Variants in NPAS2 observed in about 807,000 individuals in gnomAD.
NPAS2 encodes neuronal PAS domain-containing protein 2.
In NPAS2, 23 loss-of-function variants were observed where a neutral mutation model predicts 107.5. The observed-to-expected ratio is 0.21, with a 90% confidence interval of 0.15 to 0.30. NPAS2 has a LOEUF of 0.30. NPAS2 is among the 10% of genes least tolerant of loss of function. The pLI, the probability that NPAS2 is intolerant of heterozygous loss-of-function variation, is 1.00. For synonymous variants in NPAS2, 403 were observed against 417.5 expected (o/e 0.97, Z 0.42); for missense variants, 756 against 1,043.3 (o/e 0.72, Z 3.79).
intron 16 of NPAS2, chr2:100,985,174 G>T: frequency 6.6e-6 from 1 of 151,316 alleles, no homozygotes; most frequent in Non-Finnish European, 1.5e-5. Context: ...CCTTCCATCC[G>T]TCCTTCCTTC....
chr2:100,971,765 C>T (rs545289234), intron 12 of NPAS2, among the ~76,000 whole-genome samples: 3 of 152,038 alleles, frequency 2.0e-5, no homozygotes, highest in Non-Finnish European at 4.4e-5. Flanking sequence ...CCTGGTCCAT[C>T]ACACAGCTTC....
chr2:100,925,438 C>T, intron 3 of NPAS2, 144 bp downstream of exon 3: 1 of 787,078 alleles, frequency 1.3e-6, no homozygotes, highest in Non-Finnish European at 2.0e-6. Context: ...TGTAAAGACA[C>T]TCCACCCTCT....
rs148668573 is a variant in NPAS2, at chr2:100,977,780, C to T, written c.1463C>T (p.Thr488Met). The change falls in exon 15 of 21, where the codon ACG becomes ATG. Residue 488 changes from threonine (T) to methionine (M), a missense_variant. Around this residue, in one of 4 missense-constraint regions of NPAS2, gnomAD observed 496 missense variants for 594.4 expected, o/e 0.83. Coordinates refer to ENST00000335681, the MANE Select transcript of NPAS2 (RefSeq NM_002518.4). Reference protein sequence around the residue: ...QLLPQTVLQSTPAPMAQFSAQ... With the variant: ...QLLPQTVLQSMPAPMAQFSAQ... ...CTGCCTCAGACCGTTCTGCAGAGCA[C>T]GCCCGCTCCCATGGCACAGGTGAGT... 44 of 1,614,090 alleles carry T rather than the reference C, an allele frequency of 2.7e-5. No individual in the cohort carries two copies. Among genetic ancestry groups the T allele is most frequent in the African/African-American group, 5.3e-5 (4 of 75,050 alleles).
At chr2:100,981,959 G>A (rs752671038) in intron 15 of NPAS2, among the ~76,000 whole-genome samples, 9 of 152,174 alleles carry the variant, frequency 5.9e-5, no homozygotes, top group African/African-American at 9.7e-5. Context: ...TGGCCCTCCC[G>A]GACTGCAGGG....
intron 12 of NPAS2, among the ~76,000 whole-genome samples, chr2:100,974,289 C>T (rs1676809105): frequency 2.0e-5 from 3 of 152,170 alleles, no homozygotes; most frequent in East Asian, 1.9e-4. Flanking sequence ...CAGTCAGGAG[C>T]GAGAGGTCGA....
intron 1 of NPAS2, among the ~76,000 whole-genome samples, chr2:100,866,155 G>T (rs1163688402): frequency 6.6e-6 from 1 of 152,246 alleles, no homozygotes; most frequent in Non-Finnish European, 1.5e-5. Flanking sequence ...TGGAAGTGGA[G>T]TGAGCACTGT....
chr2:100,993,453 A>G lies in NPAS2; in HGVS notation c.2218A>G (p.Ser740Gly). 6.2e-7 allele frequency: 1 copy of G among 1,612,624 alleles called. No homozygotes were observed. The highest frequency in any genetic ancestry group is 8.5e-7 in the Non-Finnish European group (1 of 1,179,458). Residue 740 changes from serine to glycine, a missense_variant, in exon 20 of 21, where the codon AGC becomes GGC. By Grantham distance (56) the Ser-to-Gly change is moderately conservative. Around this residue, in one of 4 missense-constraint regions of NPAS2, gnomAD observed 496 missense variants for 594.4 expected, o/e 0.83. Coordinates refer to ENST00000335681, the MANE Select transcript of NPAS2 (RefSeq NM_002518.4). ...LLMGQAVLHPSFPASQPSPLQ... is the reference protein window; with the variant it reads ...LLMGQAVLHPGFPASQPSPLQ... ...GATGGGGCAGGCGGTGCTCCACCCC[A>G]GCTTCCCTGCCTCCCAACCATCGCC...
At chr2:100,924,867 G>T (rs765011950) in intron 2 of NPAS2, among the ~76,000 whole-genome samples, 1 of 152,170 alleles carries the variant, frequency 6.6e-6, no homozygotes, top group Non-Finnish European at 1.5e-5. Context: ...TATGAGATCC[G>T]AATGAGCAGC....
intron 15 of NPAS2, among the ~76,000 whole-genome samples, chr2:100,978,811 C>T (rs551120025): frequency 6.6e-6 from 1 of 152,288 alleles, no homozygotes; most frequent in East Asian, 1.9e-4. Context: ...GAGGAGGTGA[C>T]GCTTGAGTTG....
intron 7 of NPAS2, among the ~76,000 whole-genome samples, chr2:100,960,879 A>G (rs1426277635): frequency 6.6e-6 from 1 of 152,092 alleles, no homozygotes; most frequent in East Asian, 2.0e-4. Context: ...CATGTTGAGC[A>G]CTTGTTGTGT....
chr2:100,924,617 A>G (rs974587279), intron 2 of NPAS2, among the ~76,000 whole-genome samples: 3 of 152,204 alleles, frequency 2.0e-5, no homozygotes, highest in African/African-American at 7.2e-5. Flanking sequence ...GGGTCTGTAC[A>G]GCCCTGGCTG....
chr2:100,820,665 G>A lies in NPAS2; in HGVS notation c.-23+251G>A, dbSNP rs1246913019. Among the ~76,000 whole-genome samples the A allele has an allele frequency of 6.6e-6, 1 of 152,120 alleles. No homozygotes were observed. Among genetic ancestry groups the A allele is most frequent in the Non-Finnish European group, 1.5e-5 (1 of 68,004 alleles). On this transcript the variant is annotated intron_variant, in intron 1 of 20. Coordinates refer to ENST00000335681, the MANE Select transcript of NPAS2 (RefSeq NM_002518.4). The surrounding 1 kb of genome is among the most constrained non-coding windows in gnomAD (Gnocchi z 5.6). ...CAATCGCTGGGCCGGTGGGCTCCGG[G>A]CGCGTCTCGACGCAGAAGACAGAGG... is the stretch of plus-strand genomic sequence containing the variant.
At chr2:100,821,180 C>A in intron 1 of NPAS2, 1 of 1,304,544 alleles carries the variant, frequency 7.7e-7, no homozygotes, top group Non-Finnish European at 1.0e-6. Flanking sequence ...CCTCTGCTTG[C>A]CACTCCTTAA....
intron 1 of NPAS2, among the ~76,000 whole-genome samples, chr2:100,873,775 A>G (rs988953165): frequency 4.6e-5 from 7 of 152,114 alleles, no homozygotes; most frequent in South Asian, 2.1e-4. Flanking sequence ...CACAGGTGTA[A>G]TGGATGCACA....
At chr2:100,931,467 T>A (rs1401781550) in intron 3 of NPAS2, among the ~76,000 whole-genome samples, 1 of 149,514 alleles carries the variant, frequency 6.7e-6, no homozygotes, top group Admixed American at 6.7e-5. Flanking sequence ...CACAGGGTGA[T>A]GCGCATAACT....
chr2:100,882,632 A>G (rs1034378238), intron 1 of NPAS2, among the ~76,000 whole-genome samples: 1 of 151,944 alleles, frequency 6.6e-6, no homozygotes, highest in Non-Finnish European at 1.5e-5. Flanking sequence ...AAACAAACAA[A>G]AAACGATGGG....
chr2:100,856,585 A>G (rs1034318973), intron 1 of NPAS2, among the ~76,000 whole-genome samples: 1 of 152,196 alleles, frequency 6.6e-6, no homozygotes, highest in African/African-American at 2.4e-5. Flanking sequence ...TTTGATGTTT[A>G]TAAAGAAAAG....
Position 100,965,611 on chromosome 2 carries a change from C to CTGCAGGGCTCACCCTGGTGGCCA in NPAS2, c.801-42_801-41insCTCACCCTGGTGGCCATGCAGGG. 7.8e-7 allele frequency: 1 copy of CTGCAGGGCTCACCCTGGTGGCCA among 1,289,782 alleles called. No homozygotes were observed. The highest frequency in any genetic ancestry group is 1.1e-6 in the Non-Finnish European group (1 of 890,080). The allele number at this position is 1,289,782 out of a possible 1,614,324, so 79.9% of individuals were successfully genotyped here. ...AAAGGCATGGCCACCAGGGTGAGCC[C>CTGCAGGGCTCACCCTGGTGGCCA]TGCAGGGTGTCTCCTCCCTGATGAC... On this transcript the variant is annotated intron_variant, in intron 9 of 20. Coordinates refer to ENST00000335681, the MANE Select transcript of NPAS2 (RefSeq NM_002518.4). The surrounding 1 kb of genome is among the most constrained non-coding windows in gnomAD (Gnocchi z 4.3).
At chr2:100,988,417 A>C (rs2105309319) in intron 17 of NPAS2, 141 bp downstream of exon 17, 1 of 688,620 alleles carries the variant, frequency 1.5e-6, no homozygotes. Flanking sequence ...TAGATTTGGG[A>C]GTGAGCCTTC....
Sources: allele counts gnomAD v4.1 joint callset (sites outside exome capture counted in the v4.1 genomes callset), GRCh38; gene constraint gnomAD v4.1.1; regional missense constraint gnomAD v4.1.1; non-coding constraint Gnocchi (gnomAD v3.1); transcripts MANE v1.5; gene names NCBI Gene and HGNC (gene_info 2026-07-23, HGNC 2026-07-21).